Variants in PON3 observed in about 807,000 individuals in gnomAD.
PON3 encodes the protein paraoxonase 3.
Under a neutral mutation model 36.3 loss-of-function variants are expected in PON3, and 37 were observed. That is an observed-to-expected ratio of 1.02 (90% CI 0.78 to 1.34). PON3 has a LOEUF of 1.34. Ranked by LOEUF, PON3 falls within the 40% of genes most tolerant of loss-of-function variation. The probability of loss-of-function intolerance (pLI) is 0.00; values close to 1 mark genes in which losing one functional copy is unlikely to be tolerated. For missense variants in PON3, 415 were observed against 426.5 expected, an observed-to-expected ratio of 0.97 and a Z score of 0.24; for synonymous variants, 155 against 154.8, an observed-to-expected ratio of 1.00 and a Z score of -0.01.
At chr7:95,385,767 C>G (rs944741447) in intron 3 of PON3, among the ~76,000 whole-genome samples, 1 of 152,128 alleles carries the variant, frequency 6.6e-6, no homozygotes, top group African/African-American at 2.4e-5. Flanking sequence ...GAAACTCACT[C>G]AAAACTACAC....
intron 5 of PON3, chr7:95,365,465 G>A (rs996003272): frequency 2.0e-5 from 3 of 152,292 alleles, no homozygotes; most frequent in African/African-American, 7.2e-5. Flanking sequence ...GATGGGGCTG[G>A]TGGATAAACC....
chr7:95,389,962 A>G (rs1809282962), intron 3 of PON3, among the ~76,000 whole-genome samples, 192 bp downstream of exon 3: 1 of 152,244 alleles, frequency 6.6e-6, no homozygotes, highest in South Asian at 2.1e-4. Context: ...ACCATGAGGC[A>G]GTCAAAGCTG....
At chr7:95,371,752 T>C (rs761844648) in intron 4 of PON3, among the ~76,000 whole-genome samples, 1 of 152,216 alleles carries the variant, frequency 6.6e-6, no homozygotes, top group Non-Finnish European at 1.5e-5. Context: ...TGTTTTTCAC[T>C]TTCTTGATGG....
At chr7:95,393,617 G>A in intron 2 of PON3, among the ~76,000 whole-genome samples, 1 of 152,170 alleles carries the variant, frequency 6.6e-6, no homozygotes, top group East Asian at 1.9e-4. Flanking sequence ...AAGCATGAGG[G>A]ACAAGCGGGG....
chr7:95,364,775 T>G (rs1206719067), intron 5 of PON3: 1 of 152,728 alleles, frequency 6.5e-6, no homozygotes, highest in Non-Finnish European at 1.5e-5. Flanking sequence ...GACCTTTATA[T>G]TTTCTCTGAG....
intron 3 of PON3, among the ~76,000 whole-genome samples, chr7:95,378,222 C>T (rs973113609): frequency 1.5e-4 from 23 of 152,028 alleles, no homozygotes; most frequent in African/African-American, 5.1e-4. Flanking sequence ...TGAAAAGAAA[C>T]GAACAAAGCC....
chr7:95,360,676 T>C (rs1487679080), intron 8 of PON3, among the ~76,000 whole-genome samples: 5 of 152,226 alleles, frequency 3.3e-5, no homozygotes, highest in African/African-American at 1.2e-4. Context: ...CCAGGATTAA[T>C]ACACTTAACT....
rs74319419 is a variant in PON3, at chr7:95,385,979, G to A, written c.201+4175C>T. Among the ~76,000 whole-genome samples the A allele has an allele frequency of 4.9e-3, 741 of 152,222 alleles. 4 individuals carry two copies. The highest frequency in any genetic ancestry group is 0.015 in the African/African-American group (622 of 41,536). ...GAGGAAGCAGGAAAGATCTAAAATC[G>A]ACACCTAGCCCATTTACATTTAAGG... On this transcript the variant is annotated intron_variant, in intron 3 of 8. Coordinates refer to ENST00000265627, the MANE Select transcript of PON3 (RefSeq NM_000940.3).
In PON3 at chr7:95,372,253, C is replaced by T; in HGVS notation, c.287G>A (p.Arg96Lys). The change falls in exon 4 of 9, where the codon AGG becomes AAG. Residue 96 changes from arginine to lysine, a missense_variant. By Grantham distance (26) the Arg-to-Lys change is conservative (BLOSUM62 2). Transcript: ENST00000265627. ...FLMDLNEQNPRAQALEISGGF... is the reference protein window; with the variant it reads ...FLMDLNEQNPKAQALEISGGF... ...ACCACTGATTTCTAGCGCTTGTGCC[C>T]TTGGGTTTTGTTCATTCAGATCCAT... is the stretch of plus-strand genomic sequence containing the variant. 6.2e-7 allele frequency: 1 copy of T among 1,613,850 alleles called. No individual in the cohort carries two copies. Among genetic ancestry groups the T allele is most frequent in the Non-Finnish European group, 8.5e-7 (1 of 1,179,864 alleles).
At chr7:95,380,204 G>A (rs552412243) in intron 3 of PON3, among the ~76,000 whole-genome samples, 32 of 152,260 alleles carry the variant, frequency 2.1e-4, no homozygotes, top group African/African-American at 3.6e-4. Context: ...CCATCTGTAC[G>A]TCAGCATCAT....
In PON3 at chr7:95,379,418, G is replaced by A. The variant is rs981487971; in HGVS notation, c.202-7080C>T. On this transcript the variant is annotated intron_variant, in intron 3 of 8. Transcript: ENST00000265627. ...AGCAGGGTGAGGCATCACCTCAGCCGGGAAGTGCAAAGGGTCAGGGAATTC... is the reference window on the plus strand; with the variant it reads ...AGCAGGGTGAGGCATCACCTCAGCCAGGAAGTGCAAAGGGTCAGGGAATTC... 3.9e-5 allele frequency among the ~76,000 whole-genome samples: 6 copies of A among 152,250 alleles called. No individual in the cohort carries two copies. The South Asian group carries it at 6.2e-4, about 16-fold the overall frequency.
intron 3 of PON3, among the ~76,000 whole-genome samples, chr7:95,380,039 G>C (rs1336449850): frequency 1.3e-5 from 2 of 152,166 alleles, no homozygotes; most frequent in Non-Finnish European, 2.9e-5. Context: ...AACATTTGCT[G>C]TTCAGCAATA....
chr7:95,394,875 A>T, intron 1 of PON3, 161 bp from the exon 2 acceptor site: 1 of 688,568 alleles, frequency 1.5e-6, no homozygotes, highest in Non-Finnish European at 2.6e-6. Flanking sequence ...TTATTTACAT[A>T]ATGTAGACAT....
chr7:95,394,757 T>C, intron 1 of PON3, 43 bp from the exon 2 acceptor site: 2 of 1,506,900 alleles, frequency 1.3e-6, no homozygotes, highest in Non-Finnish European at 1.8e-6. Flanking sequence ...AGGCACAGCA[T>C]TCAAAATGTA....
At chr7:95,380,092 G>T (rs1343361343) in intron 3 of PON3, among the ~76,000 whole-genome samples, 2 of 152,218 alleles carry the variant, frequency 1.3e-5, no homozygotes, top group African/African-American at 4.8e-5. Flanking sequence ...CAGGCAAACA[G>T]GGTCGGAGTG....
chr7:95,390,296 A>C (rs1233050361), intron 2 of PON3, 87 bp from the exon 3 acceptor site: 8 of 1,110,278 alleles, frequency 7.2e-6, no homozygotes, highest in African/African-American at 1.5e-5. Context: ...TATCTTTTGG[A>C]AACTTCTTTT....
chr7:95,359,876 T>C lies in PON3; in HGVS notation c.*97A>G. 1 of 1,246,018 alleles carries C rather than the reference T, an allele frequency of 8.0e-7. No individual in the cohort carries two copies. The highest frequency in any genetic ancestry group is 1.1e-6 in the Non-Finnish European group (1 of 884,740). 77.2% of individuals were successfully genotyped at this position (1,246,018 alleles called of 1,614,324 possible). On this transcript the variant is annotated 3_prime_UTR_variant, in exon 9 of 9. Transcript: ENST00000265627. ...AAGAAAAGCCACACTCACTGGTTGGTGTTTGCTATTTACTTACAGTGCCAC... is the reference window on the plus strand; with the variant it reads ...AAGAAAAGCCACACTCACTGGTTGGCGTTTGCTATTTACTTACAGTGCCAC...
intron 8 of PON3, 59 bp downstream of exon 8, chr7:95,362,303 C>T (rs984968538): frequency 1.2e-5 from 19 of 1,602,984 alleles, no homozygotes; most frequent in Admixed American, 1.7e-5. Flanking sequence ...TTCCAAGTCA[C>T]CCCAACAAAT....
intron 7 of PON3, 123 bp from the exon 8 acceptor site, chr7:95,362,613 G>T (rs1167552936): frequency 2.7e-6 from 4 of 1,474,648 alleles, no homozygotes; most frequent in Admixed American, 1.8e-5. Context: ...AGGGGGCTTT[G>T]CTTCTGTATT....
Sources: gnomAD v4.1 joint callset for allele counts (sites outside exome capture counted in the v4.1 genomes callset) on GRCh38, gnomAD v4.1.1 for gene constraint, MANE v1.5 for transcripts, NCBI Gene and HGNC (gene_info 2026-07-23, HGNC 2026-07-21) for gene names.